Variants in UGGT2 observed in about 807,000 individuals in gnomAD.
UGGT2 encodes UDP-glucose glycoprotein glucosyltransferase 2.
In UGGT2, 180 loss-of-function variants were observed where a neutral mutation model predicts 192.1. The observed-to-expected ratio is 0.94, with a 90% CI of 0.83 to 1.06. The LOEUF (loss-of-function observed/expected upper bound fraction) is 1.06. UGGT2 is among the 50% of genes least tolerant of loss of function. UGGT2 has a pLI of 0.00. For missense variants in UGGT2, 1,849 were observed against 1,795.7 expected (o/e 1.03, Z -0.54); for synonymous variants, 580 against 591.0 (o/e 0.98, Z 0.27).
chr13:96,029,017 G>C (rs1315355469), intron 2 of UGGT2, among the ~76,000 whole-genome samples: 1 of 151,956 alleles, frequency 6.6e-6, no homozygotes, highest in Admixed American at 6.6e-5. Context: ...CGGGCGTGGT[G>C]GTGGGCACCT....
chr13:95,815,576 CAT>C (rs1269141178), intron 38 of UGGT2, among the ~76,000 whole-genome samples: 2 of 152,070 alleles, frequency 1.3e-5, no homozygotes, highest in East Asian at 3.9e-4. Flanking sequence ...AATCAAGAAA[CAT>C]ATCGTATTTA....
intron 8 of UGGT2, among the ~76,000 whole-genome samples, chr13:95,988,535 G>A (rs570233025): frequency 3.3e-5 from 5 of 152,210 alleles, no homozygotes; most frequent in Admixed American, 3.3e-4. Context: ...AGGGTCCAGG[G>A]AGAATAGATT....
chr13:96,000,152 T>C (rs1261366230), intron 5 of UGGT2, among the ~76,000 whole-genome samples: 1 of 152,198 alleles, frequency 6.6e-6, no homozygotes, highest in Non-Finnish European at 1.5e-5. Flanking sequence ...AAAACAACTT[T>C]AACCTAGAGC....
Position 95,859,682 on chromosome 13 carries a change from A to G in UGGT2, c.3741-7T>C, listed in dbSNP as rs1296930791. 3 of 1,597,854 alleles carry G rather than the reference A, an allele frequency of 1.9e-6. No individual in the cohort carries two copies. The highest frequency in any genetic ancestry group is 2.7e-5 in the African/African-American group (2 of 74,398). On this transcript the variant is annotated splice_polypyrimidine_tract_variant and splice_region_variant and intron_variant, in intron 32 of 38. Coordinates refer to ENST00000376747, the MANE Select transcript of UGGT2 (RefSeq NM_020121.4). The stretch of plus-strand genomic sequence containing the variant: ...AACAGAAAGCATCATAATTCTGTAT[A>G]AAAGAATATTAAACCCAATATACAT...
At chr13:95,965,463 T>C (rs1168177104) in intron 12 of UGGT2, among the ~76,000 whole-genome samples, 1 of 151,508 alleles carries the variant, frequency 6.6e-6, no homozygotes, top group Non-Finnish European at 1.5e-5. Flanking sequence ...AAATTGGAAA[T>C]CATCATTCTC....
chr13:95,964,821 G>A (rs1162261895), intron 12 of UGGT2, among the ~76,000 whole-genome samples: 1 of 150,556 alleles, frequency 6.6e-6, no homozygotes, highest in Non-Finnish European at 1.5e-5. Flanking sequence ...TACAAAATGG[G>A]AGAAAATTTT....
chr13:96,033,827 C>T (rs1218779333), intron 1 of UGGT2, among the ~76,000 whole-genome samples: 2 of 152,188 alleles, frequency 1.3e-5, no homozygotes, highest in Non-Finnish European at 2.9e-5. Context: ...CTGGGAGCAG[C>T]TTGGCACAGG....
At chr13:96,031,755 T>C (rs2052841973) in intron 2 of UGGT2, 134 bp downstream of exon 2, 1 of 607,904 alleles carries the variant, frequency 1.6e-6, no homozygotes, top group Non-Finnish European at 2.7e-6. Context: ...TAAAACATAT[T>C]TTCAAATTTA....
intron 22 of UGGT2, among the ~76,000 whole-genome samples, chr13:95,895,812 G>T (rs2047929217): frequency 6.6e-6 from 1 of 151,964 alleles, no homozygotes; most frequent in Non-Finnish European, 1.5e-5. Flanking sequence ...AAACCCAAGA[G>T]AAAAATCACA....
At chr13:95,809,872 C>T (rs1383787070) in intron 38 of UGGT2, among the ~76,000 whole-genome samples, 1 of 152,172 alleles carries the variant, frequency 6.6e-6, no homozygotes, top group African/African-American at 2.4e-5. Flanking sequence ...AATGACTTTT[C>T]TTTTTCTTGA....
chr13:96,023,676 C>T lies in UGGT2; in HGVS notation c.325G>A (p.Ala109Thr), dbSNP rs573514019. 21 of 1,611,782 alleles carry T rather than the reference C, an allele frequency of 1.3e-5. No homozygotes were observed. The South Asian group carries it at 2.3e-4, about 18-fold the overall frequency. The change falls in exon 3 of 39, where the codon GCT becomes ACT. Residue 109 changes from alanine (A) to threonine (T), a missense_variant. By Grantham distance (58) the Ala-to-Thr change is moderately conservative. Transcript: ENST00000376747. The part of the protein sequence containing the change: ...DNLHINLLKF[A>T]FSIRAYSPAI... ...GGGGAGTATGCCCTTATAGAGAAAG[C>T]AAACTTTAAAAGGTTGATGTGTAAA...
At chr13:95,848,331 C>T (rs1594139174) in intron 36 of UGGT2, among the ~76,000 whole-genome samples, 1 of 152,150 alleles carries the variant, frequency 6.6e-6, no homozygotes, top group East Asian at 1.9e-4. Context: ...TATTACTTCA[C>T]GGATCATGAC....
At chr13:96,041,762 C>G (rs960471326) in intron 1 of UGGT2, among the ~76,000 whole-genome samples, 3 of 152,024 alleles carry the variant, frequency 2.0e-5, no homozygotes, top group African/African-American at 7.2e-5. Context: ...TCCCCCACTT[C>G]CCTGACAACC....
chr13:95,904,608 C>G (rs2048222080), intron 20 of UGGT2, among the ~76,000 whole-genome samples: 1 of 151,936 alleles, frequency 6.6e-6, no homozygotes, highest in Non-Finnish European at 1.5e-5. Flanking sequence ...ATCCATGTCC[C>G]TACAAAGGAC....
At chr13:95,998,695 T>C (rs2051702200) in intron 6 of UGGT2, among the ~76,000 whole-genome samples, 1 of 152,056 alleles carries the variant, frequency 6.6e-6, no homozygotes, top group Admixed American at 6.6e-5. Flanking sequence ...GTTCATAAAA[T>C]ACAGATAGAT....
chr13:95,890,346 TC>T (rs2047764705), intron 25 of UGGT2, among the ~76,000 whole-genome samples: 1 of 152,148 alleles, frequency 6.6e-6, no homozygotes, highest in Non-Finnish European at 1.5e-5. Context: ...TTCTCATAGT[TC>T]TGGAGGCTGG....
In UGGT2 at chr13:95,937,488, A is replaced by G. The variant is rs866388415; in HGVS notation, c.1813-400T>C. Reference sequence around the variant, plus strand: ...TATGACATTAACTTAATAAACATCCAAACATTTATCGGCATCAGAGACTTA... The same window carrying G: ...TATGACATTAACTTAATAAACATCCGAACATTTATCGGCATCAGAGACTTA... On this transcript the variant is annotated intron_variant, in intron 16 of 38. Transcript: ENST00000376747. Among the ~76,000 whole-genome samples the G allele has an allele frequency of 6.6e-5, 10 of 152,320 alleles. No homozygotes were observed. In the East Asian group the frequency reaches 1.4e-3, roughly 21 times the overall value.
chr13:96,022,106 C>A (rs771952540), intron 4 of UGGT2, among the ~76,000 whole-genome samples: 2 of 151,796 alleles, frequency 1.3e-5, no homozygotes, highest in Non-Finnish European at 2.9e-5. Flanking sequence ...TATGGCACTA[C>A]TATAAGAAAT....
At chr13:96,009,408 C>CT (rs1262852902) in intron 5 of UGGT2, among the ~76,000 whole-genome samples, 1 of 152,190 alleles carries the variant, frequency 6.6e-6, no homozygotes, top group Non-Finnish European at 1.5e-5. Context: ...AACACGCAAC[C>CT]TACAGAATGG....
Sources: allele counts gnomAD v4.1 joint callset (sites outside exome capture counted in the v4.1 genomes callset), GRCh38; gene constraint gnomAD v4.1.1; transcripts MANE v1.5; gene names NCBI Gene and HGNC (gene_info 2026-07-23, HGNC 2026-07-21).